Variants in TBC1D7 observed in about 807,000 individuals in gnomAD.
TBC1D7 encodes TBC1 domain family member 7.
A neutral mutation model predicts 35.3 loss-of-function variants in TBC1D7; 33 were observed. The observed-to-expected ratio is 0.93, with a 90% confidence interval of 0.71 to 1.25. TBC1D7 has a LOEUF of 1.25. TBC1D7 is among the 50% of genes most tolerant of loss of function. TBC1D7 has a pLI of 0.00. For synonymous variants in TBC1D7, 135 were observed against 129.5 expected, an observed-to-expected ratio of 1.04 and a Z score of -0.29; for missense variants, 362 against 365.3, an observed-to-expected ratio of 0.99 and a Z score of 0.07.
intron 5 of TBC1D7, among the ~76,000 whole-genome samples, chr6:13,312,330 GCCAA>G (rs1783278832): frequency 6.6e-6 from 1 of 152,092 alleles, no homozygotes; most frequent in Non-Finnish European, 1.5e-5. Flanking sequence ...TGTGTCTGAT[GCCAA>G]CCAAAGATAA....
chr6:13,323,921 G>C (rs1211972297), intron 3 of TBC1D7: 1 of 152,202 alleles, frequency 6.6e-6, no homozygotes. Flanking sequence ...GCCTCAGAGA[G>C]TCTTTTCCCC....
intron 5 of TBC1D7, among the ~76,000 whole-genome samples, chr6:13,314,108 C>G (rs1156498630): frequency 6.6e-6 from 1 of 151,690 alleles, no homozygotes; most frequent in Non-Finnish European, 1.5e-5. Context: ...GTCCCAGCTA[C>G]TCAGGAGGCT....
chr6:13,320,594 AG>A, intron 4 of TBC1D7: 1 of 584,898 alleles, frequency 1.7e-6, no homozygotes, highest in Non-Finnish European at 3.0e-6. Context: ...TGTTGGATGT[AG>A]AAAAAAGTTG....
At chr6:13,318,323 AAC>A in intron 4 of TBC1D7, 1 of 152,388 alleles carries the variant, frequency 6.6e-6, no homozygotes, top group East Asian at 1.9e-4. Flanking sequence ...CAGAGTCCAA[AAC>A]ACACACTCAG....
chr6:13,325,219 C>A, intron 2 of TBC1D7, 45 bp from the exon 3 acceptor site: 1 of 1,345,500 alleles, frequency 7.4e-7, no homozygotes, highest in South Asian at 1.2e-5. Context: ...TCATGCTGAT[C>A]ACAGTATGTC....
intron 4 of TBC1D7, chr6:13,320,517 C>A: frequency 2.0e-6 from 1 of 508,326 alleles, no homozygotes; most frequent in South Asian, 3.1e-5. Context: ...CAGATGCACA[C>A]AAAGCAAAAC....
chr6:13,317,434 GATTTTAAT>G (rs1169969617), intron 4 of TBC1D7, among the ~76,000 whole-genome samples: 2 of 152,142 alleles, frequency 1.3e-5, no homozygotes, highest in Non-Finnish European at 2.9e-5. Context: ...ATAGCTGAAG[GATTTTAAT>G]GTTAAAAAGA....
At chr6:13,315,938 C>T (rs1783575371) in intron 5 of TBC1D7, among the ~76,000 whole-genome samples, 1 of 152,186 alleles carries the variant, frequency 6.6e-6, no homozygotes, top group African/African-American at 2.4e-5. Context: ...GCCTAATGGG[C>T]CACAGTTGTG....
intron 6 of TBC1D7, 53 bp from the exon 7 acceptor site, chr6:13,306,580 A>G (rs1440396351): frequency 2.9e-6 from 4 of 1,361,902 alleles, no homozygotes; most frequent in Non-Finnish European, 3.9e-6. Context: ...AATTATGTTT[A>G]GCCTAGACAT....
At chr6:13,327,619 G>A (rs1355639260) in intron 1 of TBC1D7, 1 of 152,176 alleles carries the variant, frequency 6.6e-6, no homozygotes, top group Non-Finnish European at 1.5e-5. Flanking sequence ...AAAGAATGTA[G>A]CCAATTGACA....
In TBC1D7 at chr6:13,320,839, G is replaced by A. The variant is rs558294508; in HGVS notation, c.381+69C>T. On this transcript the variant is annotated intron_variant, in intron 4 of 7. Transcript: ENST00000379300. ...AAAAGTTTTTAAGGCAAAACATGAT[G>A]TAATCAAAGGCCGGCAAGATGGGAC... 7.4e-6 allele frequency: 11 copies of A among 1,492,834 alleles called. No homozygotes were observed. In the African/African-American group the frequency reaches 1.5e-4, roughly 21 times the overall value. 92.5% of individuals were successfully genotyped at this position (1,492,834 alleles called of 1,614,324 possible).
intron 5 of TBC1D7, among the ~76,000 whole-genome samples, chr6:13,309,496 CATCA>C (rs1372372323): frequency 6.6e-6 from 1 of 152,172 alleles, no homozygotes; most frequent in Non-Finnish European, 1.5e-5. Context: ...GTTTTAAATA[CATCA>C]ATCAATATCT....
At chr6:13,313,796 G>A (rs1211478770) in intron 5 of TBC1D7, among the ~76,000 whole-genome samples, 1 of 152,166 alleles carries the variant, frequency 6.6e-6, no homozygotes, top group African/African-American at 2.4e-5. Flanking sequence ...TCTAGGTGGA[G>A]GAAAGGTGAT....
chr6:13,321,002 C>A lies in TBC1D7; in HGVS notation c.287G>T (p.Arg96Leu). The change falls in exon 4 of 8, where the codon CGC becomes CTC. Residue 96 changes from arginine (R) to leucine (L), a missense_variant. Coordinates refer to ENST00000379300, the MANE Select transcript of TBC1D7 (RefSeq NM_016495.6). ...LDVLHALKVV[R>L]FVSDATPQAE... ...CTGAGGTGTGGCATCACTAACAAAGCGAACGACTTTCAGGGCATGAAGGAC... is the reference window on the plus strand; with the variant it reads ...CTGAGGTGTGGCATCACTAACAAAGAGAACGACTTTCAGGGCATGAAGGAC... The A allele has an allele frequency of 6.2e-7, 1 of 1,614,142 alleles. No individual in the cohort carries two copies. Among genetic ancestry groups the A allele is most frequent in the Admixed American group, 1.7e-5 (1 of 60,024 alleles).
At chr6:13,314,716 T>G (rs952933625) in intron 5 of TBC1D7, among the ~76,000 whole-genome samples, 2 of 152,216 alleles carry the variant, frequency 1.3e-5, no homozygotes, top group African/African-American at 4.8e-5. Flanking sequence ...GCACATTGCC[T>G]TATTAACAAT....
chr6:13,323,839 G>A (rs947681195), intron 3 of TBC1D7: 15 of 152,206 alleles, frequency 9.9e-5, no homozygotes, highest in Admixed American at 7.8e-4. Flanking sequence ...ACCTTCAAAT[G>A]AGTTCCACAA....
In TBC1D7 at chr6:13,321,064, G is replaced by A; in HGVS notation, c.225C>T (p.Ala75=). 25 of 1,613,828 alleles carry A rather than the reference G, an allele frequency of 1.5e-5. No homozygotes were observed. Among genetic ancestry groups the A allele is most frequent in the Non-Finnish European group, 2.1e-5 (25 of 1,179,758 alleles). Residue 75 remains alanine, a synonymous_variant, in exon 4 of 8, where the codon GCC becomes GCT. Transcript: ENST00000379300. The part of the protein sequence containing the change: ...GILPPHHESH[A]KVMMYRKEQY... ...GCTCCTTACGATACATCATCACCTTGGCATGGGACTCGTGGTGTGGAGGCA... is the reference window on the plus strand; with the variant it reads ...GCTCCTTACGATACATCATCACCTTAGCATGGGACTCGTGGTGTGGAGGCA...
At chr6:13,318,380 A>G (rs1328779080) in intron 4 of TBC1D7, among the ~76,000 whole-genome samples, 1 of 152,160 alleles carries the variant, frequency 6.6e-6, no homozygotes, top group Non-Finnish European at 1.5e-5. Context: ...TCAGCTTGGA[A>G]CACAGACAAG....
chr6:13,321,008 A>T lies in TBC1D7; in HGVS notation c.281T>A (p.Val94Asp). ...TGTGGCATCACTAACAAAGCGAACGACTTTCAGGGCATGAAGGACATCCAA... is the reference window on the plus strand; with the variant it reads ...TGTGGCATCACTAACAAAGCGAACGTCTTTCAGGGCATGAAGGACATCCAA... ...QYLDVLHALKVVRFVSDATPQ... is the reference protein window; with the variant it reads ...QYLDVLHALKDVRFVSDATPQ... Residue 94 changes from valine (V) to aspartate (D), a missense_variant, in exon 4 of 8, where the codon GTC becomes GAC. Coordinates refer to ENST00000379300, the MANE Select transcript of TBC1D7 (RefSeq NM_016495.6). 3 of 1,614,176 alleles carry T rather than the reference A, an allele frequency of 1.9e-6. No homozygotes were observed. The South Asian group carries it at 3.3e-5, about 18-fold the overall frequency.
Sources: gnomAD v4.1 joint callset for allele counts (sites outside exome capture counted in the v4.1 genomes callset) on GRCh38, gnomAD v4.1.1 for gene constraint, MANE v1.5 for transcripts, NCBI Gene and HGNC (gene_info 2026-07-23, HGNC 2026-07-21) for gene names.